The following DECR1 variants were observed in gnomAD, a reference collection of about 807,000 sequenced individuals.
DECR1 encodes 2,4-dienoyl-CoA reductase [(3E)-enoyl-CoA-producing], mitochondrial.
In DECR1, 44 loss-of-function variants were observed where a neutral mutation model predicts 38.8. The observed-to-expected ratio is 1.13, with a 90% confidence interval of 0.89 to 1.46. The LOEUF is 1.46. Among genes scored for constraint, DECR1 ranks in the 40% most tolerant of loss-of-function variants. DECR1 has a pLI of 0.00. For synonymous variants in DECR1, 148 were observed against 135.2 expected, an observed-to-expected ratio of 1.09 and a Z score of -0.66; for missense variants, 428 against 405.5, an observed-to-expected ratio of 1.06 and a Z score of -0.48.
intron 1 of DECR1, among the ~76,000 whole-genome samples, chr8:90,004,768 A>G (rs1467300465): frequency 6.6e-6 from 1 of 152,232 alleles, no homozygotes; most frequent in African/African-American, 2.4e-5. Flanking sequence ...TACCTAGAAC[A>G]GTGCTTAGCA....
rs1362800085 is a variant in DECR1, at chr8:90,044,853, C to A, written c.743C>A (p.Ala248Asp). Residue 248 changes from alanine (A) to aspartate (D), a missense_variant, in exon 8 of 10, where the codon GCC becomes GAC. By Grantham distance (126) the Ala-to-Asp change is moderately radical. Transcript: ENST00000220764. ...IQPGPIKTKG[A>D]FSRLDPTGTF... The stretch of plus-strand genomic sequence containing the variant: ...ATTGTTTTCTTAATTTCTAAGGGTG[C>A]CTTTAGCCGTCTGGACCCAACTGGA... The A allele has an allele frequency of 6.2e-7, 1 of 1,608,532 alleles. No individual in the cohort carries two copies. The highest frequency in any genetic ancestry group is 1.7e-5 in the Admixed American group (1 of 59,072).
chr8:90,023,748 A>T (rs1813225164), intron 5 of DECR1, among the ~76,000 whole-genome samples: 1 of 152,056 alleles, frequency 6.6e-6, no homozygotes, highest in Admixed American at 6.6e-5. Flanking sequence ...TTTAAGTTCT[A>T]GGGTACATGT....
chr8:90,034,533 C>A (rs567668711), intron 5 of DECR1, among the ~76,000 whole-genome samples: 1 of 152,122 alleles, frequency 6.6e-6, no homozygotes, highest in African/African-American at 2.4e-5. Flanking sequence ...CTCACTGCAT[C>A]CTCTGCCTCC....
chr8:90,003,030 G>A (rs982121762), intron 1 of DECR1: 2 of 152,128 alleles, frequency 1.3e-5, no homozygotes, highest in African/African-American at 4.8e-5. Flanking sequence ...AAAATTAATT[G>A]TAATCTGACA....
At chr8:90,009,070 T>A (rs1326538103) in intron 1 of DECR1, among the ~76,000 whole-genome samples, 1 of 152,156 alleles carries the variant, frequency 6.6e-6, no homozygotes, top group Non-Finnish European at 1.5e-5. Context: ...TTAGAAGATG[T>A]TTCCCACTTG....
At chr8:90,032,110 CAG>C (rs1813510443) in intron 5 of DECR1, among the ~76,000 whole-genome samples, 1 of 152,020 alleles carries the variant, frequency 6.6e-6, no homozygotes, top group Non-Finnish European at 1.5e-5. Context: ...AGGCTAATAT[CAG>C]GGAGTCACCC....
At chr8:90,032,043 T>G (rs1813508978) in intron 5 of DECR1, among the ~76,000 whole-genome samples, 1 of 152,182 alleles carries the variant, frequency 6.6e-6, no homozygotes, top group Non-Finnish European at 1.5e-5. Flanking sequence ...TATAATTCTG[T>G]TTTTTTCAAG....
chr8:90,021,661 CAGG>C (rs1279695898), intron 5 of DECR1, among the ~76,000 whole-genome samples: 1 of 152,140 alleles, frequency 6.6e-6, no homozygotes, highest in African/African-American at 2.4e-5. Flanking sequence ...GAGTGCCATT[CAGG>C]AGGATTTGAT....
At chr8:90,045,130 A>T (rs1813859901) in intron 8 of DECR1, 135 bp downstream of exon 8, 11 of 666,258 alleles carry the variant, frequency 1.7e-5, no homozygotes, top group East Asian at 3.6e-5. Flanking sequence ...AATAATATAA[A>T]ATATTATATA....
intron 6 of DECR1, among the ~76,000 whole-genome samples, chr8:90,039,720 T>C (rs1813701448): frequency 6.6e-6 from 1 of 152,180 alleles, no homozygotes; most frequent in African/African-American, 2.4e-5. Flanking sequence ...CCACTTAGGT[T>C]CTTCTTCTTT....
intron 6 of DECR1, among the ~76,000 whole-genome samples, chr8:90,041,954 A>G (rs1256075314): frequency 1.3e-5 from 2 of 152,158 alleles, no homozygotes; most frequent in Non-Finnish European, 1.5e-5. Flanking sequence ...TACATTAAGT[A>G]TATATACACA....
intron 1 of DECR1, chr8:90,005,149 G>C: frequency 3.0e-6 from 1 of 335,748 alleles, no homozygotes; most frequent in Non-Finnish European, 5.9e-6. Flanking sequence ...AAAAATTCAA[G>C]TGGTTTGTTT....
chr8:90,050,566 G>A (rs113828151), intron 8 of DECR1, among the ~76,000 whole-genome samples: 9,405 of 152,196 alleles, frequency 0.062, 458 homozygotes, highest in East Asian at 0.19. Flanking sequence ...ACACTTTTAC[G>A]CTGTTGGTGG....
chr8:90,006,297 A>G (rs777720117), intron 1 of DECR1: 23 of 703,926 alleles, frequency 3.3e-5, no homozygotes, highest in South Asian at 3.1e-4. Context: ...GTTTTATGAG[A>G]GTGTTGTTGT....
chr8:90,005,534 G>T (rs772066987), intron 1 of DECR1: 25 of 429,956 alleles, frequency 5.8e-5, no homozygotes, highest in Non-Finnish European at 9.3e-5. Context: ...TGGATCTCCC[G>T]AAGTAGGCGG....
intron 5 of DECR1, among the ~76,000 whole-genome samples, chr8:90,021,460 G>A (rs1813162377): frequency 6.6e-6 from 1 of 152,204 alleles, no homozygotes; most frequent in South Asian, 2.1e-4. Context: ...TAGAGATGGG[G>A]AAAGGAATAG....
At chr8:90,033,679 TG>T (rs1813552449) in intron 5 of DECR1, among the ~76,000 whole-genome samples, 1 of 152,140 alleles carries the variant, frequency 6.6e-6, no homozygotes, top group African/African-American at 2.4e-5. Flanking sequence ...TTCTAAGAGG[TG>T]GGCTACCCAA....
In DECR1 at chr8:90,012,161, T is replaced by C. The variant is rs76617301; in HGVS notation, c.70-4963T>C. ...TTTAGATTTTCTTTTCTTTTCTTTT[T>C]TTTTTTTTTAAGAGGGAGTCTTGTT... On this transcript the variant is annotated intron_variant, in intron 1 of 9. Transcript: ENST00000220764. 8.9e-3 allele frequency among the ~76,000 whole-genome samples: 1,347 copies of C among 151,978 alleles called. 22 individuals carry two copies. The highest frequency in any genetic ancestry group is 0.03 in the African/African-American group (1,223 of 41,448).
chr8:90,022,543 G>A (rs1315415547), intron 5 of DECR1, among the ~76,000 whole-genome samples: 1 of 152,030 alleles, frequency 6.6e-6, no homozygotes, highest in Non-Finnish European at 1.5e-5. Flanking sequence ...AGAGTGGGAA[G>A]GGGGGACAGG....
Sources: gnomAD v4.1 joint callset for allele counts (sites outside exome capture counted in the v4.1 genomes callset) on GRCh38, gnomAD v4.1.1 for gene constraint, MANE v1.5 for transcripts, NCBI Gene and HGNC (gene_info 2026-07-23, HGNC 2026-07-21) for gene names.